The following CACNB2 variants were observed in gnomAD, a reference collection of about 807,000 sequenced individuals.
The protein encoded by CACNB2 is calcium voltage-gated channel auxiliary subunit beta 2, also known as voltage-dependent L-type calcium channel subunit beta-2.
In CACNB2, 42 loss-of-function variants were observed where a neutral mutation model predicts 73.3. The observed-to-expected ratio is 0.57, with a 90% CI of 0.45 to 0.74. The LOEUF (loss-of-function observed/expected upper bound fraction) is 0.74. Ranked by LOEUF, CACNB2 falls within the 30% of genes least tolerant of loss-of-function variation. The pLI is 0.00. For synonymous variants in CACNB2, 348 were observed against 310.3 expected (o/e 1.12, Z -1.28); for missense variants, 940 against 853.0 (o/e 1.10, Z -1.27).
chr10:18,259,460 T>A (rs1244130335), intron 2 of CACNB2, among the ~76,000 whole-genome samples: 1 of 150,350 alleles, frequency 6.7e-6, no homozygotes, highest in Non-Finnish European at 1.5e-5. Context: ...ATCTCAACAC[T>A]TTGGGAGGCC....
intron 3 of CACNB2, among the ~76,000 whole-genome samples, chr10:18,405,315 TTTC>T (rs1034016869): frequency 4.6e-5 from 7 of 152,324 alleles, no homozygotes; most frequent in African/African-American, 1.7e-4. Flanking sequence ...TCAACTTTTG[TTTC>T]TACAGGTTTG....
At chr10:18,503,160 A>G (rs7085587) in intron 5 of CACNB2, among the ~76,000 whole-genome samples, 93,017 of 152,026 alleles carry the variant, frequency 0.61, 29,566 homozygotes, top group East Asian at 0.97. Flanking sequence ...AAAAGTAAAG[A>G]CATGCAGATG....
intron 1 of CACNB2, among the ~76,000 whole-genome samples, chr10:18,142,084 G>C (rs2030474766): frequency 6.6e-6 from 1 of 152,184 alleles, no homozygotes; most frequent in South Asian, 2.1e-4. Context: ...CTGTTGTTTT[G>C]ATAGGTGGAA....
chr10:18,244,376 C>T (rs1005328948), intron 2 of CACNB2, among the ~76,000 whole-genome samples: 25 of 152,134 alleles, frequency 1.6e-4, no homozygotes, highest in Middle Eastern at 3.2e-3. Flanking sequence ...AATCATCAAC[C>T]GCTTCTCAAC....
chr10:18,220,228 T>TGGG (rs1564353844), intron 2 of CACNB2, among the ~76,000 whole-genome samples: 59 of 40,918 alleles, frequency 1.4e-3, no homozygotes, highest in Non-Finnish European at 1.8e-3. Flanking sequence ...TATATATATA[T>TGGG]ATATAGAGAG....
At chr10:18,205,494 TCTAA>T (rs67339282) in intron 2 of CACNB2, among the ~76,000 whole-genome samples, 2,374 of 152,338 alleles carry the variant, frequency 0.016, 32 homozygotes, top group Non-Finnish European at 0.023. Context: ...ATTCAATGCC[TCTAA>T]CTGTGTGCCA....
At chr10:18,292,679 T>G (rs962685819) in intron 2 of CACNB2, among the ~76,000 whole-genome samples, 13 of 152,012 alleles carry the variant, frequency 8.6e-5, no homozygotes, top group African/African-American at 2.7e-4. Context: ...ATTATATATA[T>G]AGATTTAAGG....
At chr10:18,193,756 C>G (rs375941839) in intron 2 of CACNB2, among the ~76,000 whole-genome samples, 33 of 152,258 alleles carry the variant, frequency 2.2e-4, no homozygotes, top group African/African-American at 7.9e-4. Flanking sequence ...AGATAAACTC[C>G]TAGATTCATT....
rs1460144471 is a variant in CACNB2, at chr10:18,360,353, G to A, written c.214-41571G>A. On this transcript the variant is annotated intron_variant, in intron 2 of 13. Coordinates refer to ENST00000324631, the MANE Select transcript of CACNB2 (RefSeq NM_201596.3). ...AGCGATCCTCTTGCCTCAGCCTCCTGAGTAGCTGGGACTACATGTGTGCAC... is the reference window on the plus strand; with the variant it reads ...AGCGATCCTCTTGCCTCAGCCTCCTAAGTAGCTGGGACTACATGTGTGCAC... 2.0e-5 allele frequency among the ~76,000 whole-genome samples: 3 copies of A among 152,066 alleles called. No individual in the cohort carries two copies. The East Asian group carries it at 5.8e-4, about 29-fold the overall frequency.
intron 3 of CACNB2, among the ~76,000 whole-genome samples, chr10:18,451,418 C>A (rs2047015756): frequency 6.6e-6 from 1 of 152,192 alleles, no homozygotes; most frequent in Admixed American, 6.5e-5. Context: ...TTGTTCATTG[C>A]AGTCATGGAT....
Position 18,207,682 on chromosome 10 carries a change from T to C in CACNB2, c.213+56707T>C, listed in dbSNP as rs1427201535. Among the ~76,000 whole-genome samples, 12 of 152,358 alleles carry C rather than the reference T, an allele frequency of 7.9e-5. No homozygotes were observed. In the East Asian group the frequency reaches 2.3e-3, roughly 29 times the overall value. On this transcript the variant is annotated intron_variant, in intron 2 of 13. Coordinates refer to ENST00000324631, the MANE Select transcript of CACNB2 (RefSeq NM_201596.3). ...ATTCATTTACCTTTTGACTAATTTTTGTTCTTTCTTTTCAAATATATTTAA... is the reference window on the plus strand; with the variant it reads ...ATTCATTTACCTTTTGACTAATTTTCGTTCTTTCTTTTCAAATATATTTAA...
chr10:18,252,625 G>T (rs1416636816), intron 2 of CACNB2, among the ~76,000 whole-genome samples: 1 of 152,096 alleles, frequency 6.6e-6, no homozygotes, highest in Non-Finnish European at 1.5e-5. Flanking sequence ...CTGAAACAAG[G>T]TGAGGAATAG....
At chr10:18,201,826 A>G (rs2034895523) in intron 2 of CACNB2, among the ~76,000 whole-genome samples, 1 of 152,152 alleles carries the variant, frequency 6.6e-6, no homozygotes, top group African/African-American at 2.4e-5. Context: ...ATCTAGCTGT[A>G]ATTTTGTGTC....
chr10:18,164,306 G>A (rs913167132), intron 2 of CACNB2, among the ~76,000 whole-genome samples: 3 of 152,118 alleles, frequency 2.0e-5, no homozygotes, highest in Non-Finnish European at 2.9e-5. Context: ...TTTCCCTTGC[G>A]CAGAAGTGGT....
At chr10:18,284,972 A>C (rs2038723935) in intron 2 of CACNB2, among the ~76,000 whole-genome samples, 1 of 152,180 alleles carries the variant, frequency 6.6e-6, no homozygotes, top group Non-Finnish European at 1.5e-5. Context: ...TTCAATGGGA[A>C]AGGAATTCAC....
At chr10:18,173,173 G>A (rs2033367503) in intron 2 of CACNB2, among the ~76,000 whole-genome samples, 1 of 152,148 alleles carries the variant, frequency 6.6e-6, no homozygotes, top group African/African-American at 2.4e-5. Flanking sequence ...ACCTGCCTCA[G>A]CCTGCCAAAG....
At position 18,539,687 on chromosome 10, in the gene CACNB2, C is replaced by T. The variant is rs759095711; in HGVS notation, c.1946C>T (p.Ala649Val). The T allele has an allele frequency of 6.2e-7, 1 of 1,611,594 alleles. No individual in the cohort carries two copies. Among genetic ancestry groups the T allele is most frequent in the Admixed American group, 1.7e-5 (1 of 59,694 alleles). ...GEVISKKRNE[A>V]GEWNRDVYIR... is the part of the protein sequence containing the mutation. Reference sequence around the variant, plus strand: ...GTGATATCAAAAAAACGGAATGAGGCTGGGGAGTGGAACAGGGATGTTTAC... The same window carrying T: ...GTGATATCAAAAAAACGGAATGAGGTTGGGGAGTGGAACAGGGATGTTTAC... Residue 649 changes from alanine (A) to valine (V), a missense_variant, in exon 14 of 14, where the codon GCT becomes GTT. Physicochemically the swap from Ala to Val is moderately conservative, Grantham distance 64. Coordinates refer to ENST00000324631, the MANE Select transcript of CACNB2 (RefSeq NM_201596.3).
At chr10:18,223,870 A>C (rs2035885671) in intron 2 of CACNB2, among the ~76,000 whole-genome samples, 1 of 152,146 alleles carries the variant, frequency 6.6e-6, no homozygotes, top group Non-Finnish European at 1.5e-5. Context: ...AATAAAACAG[A>C]AACTGCTAGG....
At chr10:18,274,250 G>C (rs373961618) in intron 2 of CACNB2, among the ~76,000 whole-genome samples, 3 of 152,124 alleles carry the variant, frequency 2.0e-5, no homozygotes, top group African/African-American at 7.2e-5. Context: ...GAGAGAGAAG[G>C]CACCTGCAGT....
Sources: allele counts gnomAD v4.1 joint callset (sites outside exome capture counted in the v4.1 genomes callset), GRCh38; gene constraint gnomAD v4.1.1; transcripts MANE v1.5; gene names NCBI Gene and HGNC (gene_info 2026-07-23, HGNC 2026-07-21).